Variants in EPC2 observed in about 807,000 individuals in gnomAD.
EPC2 encodes enhancer of polycomb homolog 2.
Under a neutral mutation model 92.1 loss-of-function variants are expected in EPC2, and 14 were observed. The observed-to-expected ratio is 0.15, with a 90% CI of 0.10 to 0.24. The LOEUF is 0.24. Ranked by LOEUF, EPC2 falls within the 10% of genes least tolerant of loss-of-function variation. The pLI is 1.00. For synonymous variants in EPC2, 340 were observed against 334.7 expected, an observed-to-expected ratio of 1.02 and a Z score of -0.17; for missense variants, 755 against 971.5, an observed-to-expected ratio of 0.78 and a Z score of 2.96.
chr2:148,764,930 G>C (rs769125427), intron 6 of EPC2, 25 bp from the exon 7 acceptor site: 1 of 1,404,730 alleles, frequency 7.1e-7, no homozygotes, highest in East Asian at 2.6e-5. Context: ...TCTTCCTTTT[G>C]GGGGAAAAAT....
At chr2:148,668,318 T>C (rs931956343) in intron 1 of EPC2, among the ~76,000 whole-genome samples, 3 of 152,230 alleles carry the variant, frequency 2.0e-5, no homozygotes, top group Admixed American at 1.3e-4. Flanking sequence ...ATCCTTTTAA[T>C]GTATTATTGG....
intron 2 of EPC2, among the ~76,000 whole-genome samples, chr2:148,721,343 T>TC (rs1227356040): frequency 5.3e-5 from 8 of 151,966 alleles, no homozygotes; most frequent in African/African-American, 1.9e-4. Context: ...TTTTTTTAAC[T>TC]CAACACATGA....
At chr2:148,652,958 GTTTAT>G (rs908584169) in intron 1 of EPC2, among the ~76,000 whole-genome samples, 9 of 152,188 alleles carry the variant, frequency 5.9e-5, no homozygotes, top group African/African-American at 1.7e-4. Context: ...TACCACTTGA[GTTTAT>G]TTTAATTTTC....
chr2:148,668,145 C>T (rs1681089786), intron 1 of EPC2, among the ~76,000 whole-genome samples: 1 of 152,160 alleles, frequency 6.6e-6, no homozygotes, highest in African/African-American at 2.4e-5. Context: ...GATCCACCTG[C>T]CTCGGCCTCC....
At chr2:148,645,807 G>T (rs1017537053) in intron 1 of EPC2, among the ~76,000 whole-genome samples, 5 of 152,172 alleles carry the variant, frequency 3.3e-5, no homozygotes, top group African/African-American at 1.2e-4. Flanking sequence ...GCCGGGCGCG[G>T]GGCGGACGGG....
At chr2:148,689,746 A>G (rs1681605577) in intron 1 of EPC2, among the ~76,000 whole-genome samples, 1 of 152,232 alleles carries the variant, frequency 6.6e-6, no homozygotes, top group Non-Finnish European at 1.5e-5. Context: ...TGGTAGTAAT[A>G]AAACTTGTTG....
chr2:148,646,379 G>T (rs541033398), intron 1 of EPC2, among the ~76,000 whole-genome samples: 1 of 152,244 alleles, frequency 6.6e-6, no homozygotes, highest in East Asian at 1.9e-4. Flanking sequence ...TTGATGTATA[G>T]TTACTTGAAA....
At chr2:148,678,533 C>T (rs543248043) in intron 1 of EPC2, among the ~76,000 whole-genome samples, 13 of 152,340 alleles carry the variant, frequency 8.5e-5, no homozygotes, top group East Asian at 7.7e-4. Context: ...CTGCAGGTCC[C>T]GAGCCCTGCC....
At chr2:148,691,169 G>A (rs1038532092) in intron 2 of EPC2, among the ~76,000 whole-genome samples, 1 of 152,148 alleles carries the variant, frequency 6.6e-6, no homozygotes, top group Non-Finnish European at 1.5e-5. Context: ...ACAATCTCCT[G>A]TTATATTTAC....
At chr2:148,769,051 AG>A in intron 7 of EPC2, 99 bp from the exon 8 acceptor site, 1 of 793,374 alleles carries the variant, frequency 1.3e-6, no homozygotes, top group Non-Finnish European at 2.1e-6. Flanking sequence ...GTAATATAGA[AG>A]TGATTTACTG....
chr2:148,669,921 G>A (rs887797206), intron 1 of EPC2, among the ~76,000 whole-genome samples: 2 of 152,122 alleles, frequency 1.3e-5, no homozygotes, highest in Non-Finnish European at 2.9e-5. Context: ...TCTTTTGGAT[G>A]GTTGTTTCTC....
intron 1 of EPC2, among the ~76,000 whole-genome samples, chr2:148,657,826 T>C (rs947560160): frequency 1.4e-4 from 22 of 152,112 alleles, no homozygotes; most frequent in Admixed American, 1.3e-4. Flanking sequence ...CTTTCAGGGC[T>C]TCTTTCCTTG....
At chr2:148,740,959 T>G (rs1409032233) in intron 2 of EPC2, among the ~76,000 whole-genome samples, 1 of 152,168 alleles carries the variant, frequency 6.6e-6, no homozygotes, top group Non-Finnish European at 1.5e-5. Context: ...GTTTATGAGC[T>G]CTGTATCATT....
intron 2 of EPC2, among the ~76,000 whole-genome samples, chr2:148,727,724 T>G (rs1055149036): frequency 2.0e-5 from 3 of 152,232 alleles, no homozygotes; most frequent in African/African-American, 7.2e-5. Flanking sequence ...ACAGAAAATG[T>G]GGGAGAATCT....
At chr2:148,746,822 T>TACAC (rs34536465) in intron 3 of EPC2, among the ~76,000 whole-genome samples, 166 of 151,432 alleles carry the variant, frequency 1.1e-3, no homozygotes, top group African/African-American at 3.5e-3. Context: ...AAAAATTGTA[T>TACAC]ACACACACAC....
chr2:148,660,902 C>T (rs1207641770), intron 1 of EPC2, among the ~76,000 whole-genome samples: 2 of 151,456 alleles, frequency 1.3e-5, no homozygotes, highest in East Asian at 3.9e-4. Context: ...GTGCAAGAAA[C>T]TGTTTAAATC....
At chr2:148,698,658 ATCTCCTGTTTCTCTGAT>A (rs1681802724) in intron 2 of EPC2, among the ~76,000 whole-genome samples, 1 of 123,526 alleles carries the variant, frequency 8.1e-6, no homozygotes, top group South Asian at 2.6e-4. Context: ...AAAAAAAAAA[ATCTCCTGTTTCTCTGAT>A]AGAAACTAAG....
At position 148,661,202 on chromosome 2, in the gene EPC2, T is replaced by C. The variant is rs188167621; in HGVS notation, c.153+16032T>C. On this transcript the variant is annotated intron_variant, in intron 1 of 13. Transcript: ENST00000258484. ...TTGACTTCCTGTTTTGGAATGTGGT[T>C]TGTCTCTTCATTTGTCAAAGTCTAC... 2.2e-3 allele frequency among the ~76,000 whole-genome samples: 329 copies of C among 152,222 alleles called. 2 individuals carry two copies. The highest frequency in any genetic ancestry group is 7.6e-3 in the African/African-American group (314 of 41,560).
intron 1 of EPC2, among the ~76,000 whole-genome samples, chr2:148,650,483 T>C (rs2105349225): frequency 1.3e-5 from 2 of 152,264 alleles, no homozygotes; most frequent in South Asian, 4.1e-4. Flanking sequence ...TAAGTAACTC[T>C]CATAGGTGTG....
Sources: allele counts gnomAD v4.1 joint callset (sites outside exome capture counted in the v4.1 genomes callset), GRCh38; gene constraint gnomAD v4.1.1; transcripts MANE v1.5; gene names NCBI Gene and HGNC (gene_info 2026-07-23, HGNC 2026-07-21).